The following RYR2 variants were observed in gnomAD, a reference collection of about 807,000 sequenced individuals.
RYR2 encodes cardiac muscle ryanodine receptor-calcium release channel.
A neutral mutation model predicts 601.1 loss-of-function variants in RYR2; 227 were observed. The ratio of observed to expected loss-of-function variants is 0.38; its 90% confidence interval spans 0.34 to 0.42. The LOEUF (loss-of-function observed/expected upper bound fraction) is 0.42, where lower values mean the gene tolerates loss of function less well. Among genes scored for constraint, RYR2 ranks in the 10% least tolerant of loss-of-function variants. The pLI is 1.00. For synonymous variants in RYR2, 2,223 were observed against 2,175.1 expected (o/e 1.02, Z -0.61); for missense variants, 4,646 against 6,156.5 (o/e 0.75, Z 8.21).
At chr1:237,212,668 T>C (rs1435770452) in intron 1 of RYR2, among the ~76,000 whole-genome samples, 1 of 152,216 alleles carries the variant, frequency 6.6e-6, no homozygotes, top group African/African-American at 2.4e-5. Context: ...CATTTTAAAG[T>C]ATTTGGAAAC....
intron 33 of RYR2, 52 bp downstream of exon 33, chr1:237,593,688 G>T (rs1288946324): frequency 6.4e-7 from 1 of 1,556,566 alleles, no homozygotes; most frequent in South Asian, 1.1e-5. Context: ...AAATATTGGT[G>T]AACCTAGCTA....
rs1558136067 is a variant in RYR2 at position 237,045,868 on chromosome 1, G to GTT, written c.48+3299_48+3300insTT. ...CATGGTATAAAATGACCTTGGTCAAGGTTTTTTTTTTTTTTTTTTTTTTTT... is the reference window on the plus strand; with the variant it reads ...CATGGTATAAAATGACCTTGGTCAAGTTGTTTTTTTTTTTTTTTTTTTTTTTT... On this transcript the variant is annotated intron_variant, in intron 1 of 104. Coordinates refer to ENST00000366574, the MANE Select transcript of RYR2 (RefSeq NM_001035.3). 4.5e-3 allele frequency among the ~76,000 whole-genome samples: 471 copies of GTT among 103,542 alleles called. 11 individuals are homozygous for GTT. Among genetic ancestry groups the GTT allele is most frequent in the African/African-American group, 0.019 (443 of 22,748 alleles). The allele number at this position is 103,542 out of a possible 152,430, so 67.9% of individuals were successfully genotyped here. A position where few individuals can be genotyped will look rare whatever the true frequency, so the allele number is the denominator to read the frequency against.
At chr1:237,113,831 T>A (rs538624484) in intron 1 of RYR2, among the ~76,000 whole-genome samples, 4 of 152,330 alleles carry the variant, frequency 2.6e-5, no homozygotes, top group African/African-American at 9.6e-5. Context: ...CTGAGTGCAG[T>A]ATTTTTAAAG....
intron 82 of RYR2, among the ~76,000 whole-genome samples, 189 bp from the exon 83 acceptor site, chr1:237,759,587 C>A (rs1693242292): frequency 1.3e-5 from 2 of 152,168 alleles, no homozygotes; most frequent in Admixed American, 1.3e-4. Flanking sequence ...CCCTCTTATT[C>A]CAAGTTTGCG....
chr1:237,373,560 T>A (rs1242784144), intron 6 of RYR2, among the ~76,000 whole-genome samples: 1 of 152,236 alleles, frequency 6.6e-6, no homozygotes, highest in Non-Finnish European at 1.5e-5. Context: ...CATTCGTCTT[T>A]GTATCTCTGT....
rs187405474 is a variant in RYR2, at chr1:237,325,051, G to A, written c.169-5827G>A. Among the ~76,000 whole-genome samples the A allele has an allele frequency of 1.2e-3, 185 of 152,204 alleles. 1 individual carries two copies. Among genetic ancestry groups the A allele is most frequent in the Non-Finnish European group, 2.0e-3 (133 of 68,020 alleles). ...GTTTGAGGTTAGTTCATCAAACATC[G>A]AACATTTTCTTTGTGTAAGTCATTG... On this transcript the variant is annotated intron_variant, in intron 2 of 104. Coordinates refer to ENST00000366574, the MANE Select transcript of RYR2 (RefSeq NM_001035.3).
At chr1:237,696,196 T>G (rs969589780) in intron 63 of RYR2, among the ~76,000 whole-genome samples, 1 of 152,150 alleles carries the variant, frequency 6.6e-6, no homozygotes, top group Non-Finnish European at 1.5e-5. Flanking sequence ...CAAACACTGA[T>G]AATCTATAAT....
At chr1:237,219,382 A>G (rs1489858058) in intron 1 of RYR2, among the ~76,000 whole-genome samples, 1 of 152,060 alleles carries the variant, frequency 6.6e-6, no homozygotes, top group Non-Finnish European at 1.5e-5. Context: ...CACATATCCC[A>G]TTCCGACGTG....
In RYR2 at chr1:237,258,646, C is replaced by A. The variant is rs183402324; in HGVS notation, c.49-11851C>A. Among the ~76,000 whole-genome samples the A allele has an allele frequency of 2.3e-4, 35 of 152,156 alleles. No homozygotes were observed. The East Asian group carries it at 6.8e-3, about 29-fold the overall frequency. The stretch of plus-strand genomic sequence containing the variant: ...TTCAAGACTTTCTTTGAAGATGGCT[C>A]AAGTTTTTATTTTTGCTGCTTCTTA... On this transcript the variant is annotated intron_variant, in intron 1 of 104. Coordinates refer to ENST00000366574, the MANE Select transcript of RYR2 (RefSeq NM_001035.3).
intron 1 of RYR2, among the ~76,000 whole-genome samples, chr1:237,093,434 G>C (rs1429701990): frequency 1.3e-5 from 2 of 152,204 alleles, no homozygotes; most frequent in Admixed American, 1.3e-4. Flanking sequence ...CTGGGAAAGA[G>C]ATGTCAAATA....
At chr1:237,624,911 AT>A (rs1463286896) in intron 39 of RYR2, among the ~76,000 whole-genome samples, 1 of 152,076 alleles carries the variant, frequency 6.6e-6, no homozygotes, top group African/African-American at 2.4e-5. Context: ...TTGCATATTA[AT>A]TTGGTTTATG....
At chr1:237,553,348 C>T (rs1207185044) in intron 27 of RYR2, among the ~76,000 whole-genome samples, 1 of 151,956 alleles carries the variant, frequency 6.6e-6, no homozygotes, top group Non-Finnish European at 1.5e-5. Flanking sequence ...AATTAAATTA[C>T]CTTGGCGTCT....
chr1:237,360,623 C>T (rs1310213546), intron 4 of RYR2, among the ~76,000 whole-genome samples: 1 of 152,270 alleles, frequency 6.6e-6, no homozygotes, highest in African/African-American at 2.4e-5. Flanking sequence ...TGCTACAAAT[C>T]TGCCGAAAAA....
Position 237,831,162 on chromosome 1 carries a change from G to C in RYR2, c.14757-352G>C, listed in dbSNP as rs575421299. Among the ~76,000 whole-genome samples the C allele has an allele frequency of 3.5e-3, 530 of 152,212 alleles. 4 individuals are homozygous for C. The highest frequency in any genetic ancestry group is 6.5e-3 in the Non-Finnish European group (444 of 68,016). ...TAGTATCAAACAGAAGAGATGCCGA[G>C]TAGCATTATAGGGAAAAAAAATTGG... On this transcript the variant is annotated intron_variant, in intron 103 of 104. Transcript: ENST00000366574.
chr1:237,771,784 C>G (rs1412253477), intron 85 of RYR2, among the ~76,000 whole-genome samples: 2 of 152,132 alleles, frequency 1.3e-5, no homozygotes, highest in Non-Finnish European at 2.9e-5. Flanking sequence ...TTAGCAATAT[C>G]TGAGACAAAA....
rs1690253667 is a variant in RYR2 at position 237,726,948 on chromosome 1, T to C, written c.10726-139T>C. On this transcript the variant is annotated intron_variant, in intron 75 of 104. Coordinates refer to ENST00000366574, the MANE Select transcript of RYR2 (RefSeq NM_001035.3). ...TGATAATCTTAAGGTACTTTTGGAA[T>C]TGGAATTCCAAATATAGATTACTTA... The C allele has an allele frequency of 1.1e-5, 6 of 564,314 alleles. No individual in the cohort carries two copies. The East Asian group carries it at 1.4e-4, about 14-fold the overall frequency. The allele number at this position is 564,314 out of a possible 1,614,324, so 35.0% of individuals were successfully genotyped here.
chr1:237,669,298 C>G (rs555625473), intron 58 of RYR2, among the ~76,000 whole-genome samples: 23 of 152,320 alleles, frequency 1.5e-4, no homozygotes, highest in Non-Finnish European at 2.8e-4. Flanking sequence ...ACACGGCAAC[C>G]ATCTGATTTC....
chr1:237,387,976 T>C (rs1702076680), intron 9 of RYR2, 111 bp from the exon 10 acceptor site: 1 of 980,926 alleles, frequency 1.0e-6, no homozygotes, highest in Non-Finnish European at 1.6e-6. Context: ...TCCTTAAGAC[T>C]CACTAGACTT....
intron 84 of RYR2, among the ~76,000 whole-genome samples, chr1:237,764,979 T>G (rs561866119): frequency 1.2e-4 from 19 of 152,252 alleles, no homozygotes; most frequent in Admixed American, 9.8e-4. Flanking sequence ...CATGCAAGTT[T>G]GACCTCTGTC....
Sources: allele counts gnomAD v4.1 joint callset (sites outside exome capture counted in the v4.1 genomes callset), GRCh38; gene constraint gnomAD v4.1.1; transcripts MANE v1.5; gene names NCBI Gene and HGNC (gene_info 2026-07-23, HGNC 2026-07-21).